The following QPCT variants were observed in gnomAD, a reference collection of about 807,000 sequenced individuals.
The protein encoded by QPCT is EC.
A neutral mutation model predicts 43.4 loss-of-function variants in QPCT; 44 were observed. The ratio of observed to expected loss-of-function variants is 1.01; its 90% CI spans 0.80 to 1.30. The LOEUF is 1.30. Among genes scored for constraint, QPCT ranks in the 50% most tolerant of loss-of-function variants. QPCT has a pLI of 0.00. For missense variants in QPCT, 526 were observed against 436.5 expected, an observed-to-expected ratio of 1.21 and a Z score of -1.83; for synonymous variants, 168 against 168.4, an observed-to-expected ratio of 1.00 and a Z score of 0.02.
chr2:37,365,557 T>C (rs919645502), intron 3 of QPCT, among the ~76,000 whole-genome samples: 3 of 152,134 alleles, frequency 2.0e-5, no homozygotes, highest in African/African-American at 4.8e-5. Context: ...ATGGTGGAGA[T>C]AGTGAGGTCA....
At chr2:37,362,637 A>G (rs1672874989) in intron 3 of QPCT, among the ~76,000 whole-genome samples, 1 of 152,252 alleles carries the variant, frequency 6.6e-6, no homozygotes, top group South Asian at 2.1e-4. Context: ...ACATCTGTGA[A>G]TAGGAACCAC....
At chr2:37,346,136 C>CAT (rs57045537) in intron 1 of QPCT, among the ~76,000 whole-genome samples, 3,514 of 152,202 alleles carry the variant, frequency 0.023, 155 homozygotes, top group African/African-American at 0.081. Context: ...CAGCTACATG[C>CAT]ATATATATAT....
At chr2:37,364,672 C>G (rs1218720896) in intron 3 of QPCT, among the ~76,000 whole-genome samples, 2 of 152,156 alleles carry the variant, frequency 1.3e-5, no homozygotes, top group African/African-American at 4.8e-5. Context: ...GTCTGAGTAA[C>G]TGCAAGGGGG....
intron 3 of QPCT, among the ~76,000 whole-genome samples, chr2:37,362,889 A>G (rs1672878980): frequency 6.6e-6 from 1 of 152,232 alleles, no homozygotes; most frequent in African/African-American, 2.4e-5. Flanking sequence ...CCCACCCCAC[A>G]CCAGGCAGGT....
At position 37,347,248 on chromosome 2, in the gene QPCT, C is replaced by CAT. The variant is rs1166067775; in HGVS notation, c.120+2409_120+2410dup. ...ATATATAACATATATATATATATAACATATATATATATACATCCACCTCAC... is the reference window on the plus strand; with the variant it reads ...ATATATAACATATATATATATATAACATATATATATATATACATCCACCTCAC... On this transcript the variant is annotated intron_variant, in intron 1 of 6. Coordinates refer to ENST00000338415, the MANE Select transcript of QPCT (RefSeq NM_012413.4). 2.5e-4 allele frequency among the ~76,000 whole-genome samples: 27 copies of CAT among 109,290 alleles called. 1 individual carries two copies. Among genetic ancestry groups the CAT allele is most frequent in the South Asian group, 1.6e-3 (6 of 3,662 alleles). The allele number at this position is 109,290 out of a possible 152,430, so 71.7% of individuals were successfully genotyped here. A position where few individuals can be genotyped will look rare whatever the true frequency, so the allele number is the denominator to read the frequency against.
chr2:37,353,904 A>G (rs1016069155), intron 2 of QPCT, among the ~76,000 whole-genome samples: 3 of 151,950 alleles, frequency 2.0e-5, no homozygotes, highest in Non-Finnish European at 4.4e-5. Context: ...TCGCTCTGTC[A>G]CCCAGGCTGG....
intron 5 of QPCT, among the ~76,000 whole-genome samples, chr2:37,371,777 A>G (rs1052101180): frequency 2.6e-5 from 4 of 152,134 alleles, no homozygotes; most frequent in African/African-American, 9.7e-5. Flanking sequence ...CAGCCCCAGA[A>G]TTTCTGTAAG....
intron 1 of QPCT, among the ~76,000 whole-genome samples, chr2:37,349,490 C>T (rs1011298393): frequency 1.4e-4 from 21 of 152,106 alleles, no homozygotes; most frequent in Non-Finnish European, 3.1e-4. Flanking sequence ...CCTCTAGAAA[C>T]CAGCCATTTA....
At chr2:37,369,556 A>T in intron 4 of QPCT, 129 bp from the exon 5 acceptor site, 1 of 690,326 alleles carries the variant, frequency 1.4e-6, no homozygotes. Flanking sequence ...TCTTTGGTTC[A>T]TTCATATAGC....
At chr2:37,348,774 C>G (rs953643522) in intron 1 of QPCT, among the ~76,000 whole-genome samples, 3 of 152,176 alleles carry the variant, frequency 2.0e-5, no homozygotes, top group African/African-American at 7.2e-5. Context: ...AAAGACAAGG[C>G]AGGGGCTGTA....
At chr2:37,361,228 A>G (rs1672852294) in intron 3 of QPCT, among the ~76,000 whole-genome samples, 1 of 152,208 alleles carries the variant, frequency 6.6e-6, no homozygotes, top group Non-Finnish European at 1.5e-5. Flanking sequence ...TTTTAACTAA[A>G]TTGGTATTGA....
At chr2:37,365,509 G>A (rs923688485) in intron 3 of QPCT, among the ~76,000 whole-genome samples, 4 of 152,274 alleles carry the variant, frequency 2.6e-5, no homozygotes, top group Admixed American at 2.0e-4. Context: ...TCCTTCAAGG[G>A]GTTTTGCTAT....
In QPCT at chr2:37,369,710, T is replaced by C. The variant is rs779010085; in HGVS notation, c.749T>C (p.Ile250Thr). 23 of 1,605,486 alleles carry C rather than the reference T, an allele frequency of 1.4e-5. No individual in the cohort carries two copies. The highest frequency in any genetic ancestry group is 5.0e-5 in the Admixed American group (3 of 60,002). The change falls in exon 5 of 7, where the codon ATT becomes ACT. Residue 250 changes from isoleucine (I) to threonine (T), a missense_variant. Ile to Thr is a moderately conservative substitution (Grantham distance 89). Transcript: ENST00000338415. ...GMDLLVLLDL[I>T]GAPNPTFPNF... ...GATTTATTGGTCTTATTGGATTTGA[T>C]TGGAGCTCCAAACCCAACGTTTCCC...
chr2:37,345,011 C>T (rs1232981441), intron 1 of QPCT, among the ~76,000 whole-genome samples, 160 bp downstream of exon 1: 1 of 152,206 alleles, frequency 6.6e-6, no homozygotes, highest in African/African-American at 2.4e-5. Flanking sequence ...GGAGTCGGGG[C>T]TCTGCATACT....
chr2:37,372,509 C>A (rs200352824), intron 6 of QPCT, 37 bp downstream of exon 6: 10 of 1,503,006 alleles, frequency 6.7e-6, no homozygotes, highest in South Asian at 1.1e-5. Flanking sequence ...TGTGTGTGTG[C>A]GTGCACAGCC....
intron 4 of QPCT, chr2:37,368,449 A>C: frequency 5.6e-6 from 2 of 359,020 alleles, no homozygotes; most frequent in Non-Finnish European, 1.1e-5. Context: ...CGGTGCCTTC[A>C]TCCCTCCCTG....
At chr2:37,369,879 C>CAGT (rs751070806) in intron 5 of QPCT, 95 bp downstream of exon 5, 38 of 1,128,790 alleles carry the variant, frequency 3.4e-5, no homozygotes, top group Non-Finnish European at 4.6e-5. Flanking sequence ...TGGCTGGGCG[C>CAGT]AGTGGCTCAC....
rs79981587 is a variant in QPCT at position 37,351,079 on chromosome 2, T to G, written c.121-1710T>G. ...ACAGCCATCTCGGAGTATAGATGAG[T>G]GTAAATAATTAGGCAATAAGCATTC... On this transcript the variant is annotated intron_variant, in intron 1 of 6. Coordinates refer to ENST00000338415, the MANE Select transcript of QPCT (RefSeq NM_012413.4). 9.9e-3 allele frequency among the ~76,000 whole-genome samples: 1,512 copies of G among 152,190 alleles called. 21 individuals carry two copies. The highest frequency in any genetic ancestry group is 0.033 in the African/African-American group (1,367 of 41,518).
chr2:37,367,044 A>G, intron 3 of QPCT, 188 bp from the exon 4 acceptor site: 1 of 598,336 alleles, frequency 1.7e-6, no homozygotes, highest in Non-Finnish European at 2.9e-6. Flanking sequence ...ATATGGGTGA[A>G]GACTGTGGGA....
Sources: gnomAD v4.1 joint callset for allele counts (sites outside exome capture counted in the v4.1 genomes callset) on GRCh38, gnomAD v4.1.1 for gene constraint, MANE v1.5 for transcripts, NCBI Gene and HGNC (gene_info 2026-07-23, HGNC 2026-07-21) for gene names.